Variants in EYS observed in about 807,000 individuals in gnomAD.
EYS encodes the protein protein eyes shut homolog.
EYS carries 250 observed loss-of-function variants against 282.1 expected under a neutral mutation model. The observed-to-expected ratio is 0.89, with a 90% CI of 0.80 to 0.98. EYS has a LOEUF of 0.98. Ranked by LOEUF, EYS falls within the 50% of genes least tolerant of loss-of-function variation. EYS has a pLI of 0.00. For synonymous variants in EYS, 1,355 were observed against 1,282.9 expected (o/e 1.06, Z -1.20); for missense variants, 4,016 against 3,709.0 (o/e 1.08, Z -2.15).
intron 31 of EYS, among the ~76,000 whole-genome samples, chr6:64,094,173 AT>A (rs1772489292): frequency 6.6e-6 from 1 of 151,554 alleles, no homozygotes; most frequent in Non-Finnish European, 1.5e-5. Context: ...TTTATTGAGG[AT>A]TTTCGCATCG....
intron 2 of EYS, among the ~76,000 whole-genome samples, chr6:65,634,068 G>T (rs1767007902): frequency 6.6e-6 from 1 of 152,218 alleles, no homozygotes; most frequent in African/African-American, 2.4e-5. Context: ...AAAATAAACA[G>T]ACTTGACTGG....
intron 7 of EYS, among the ~76,000 whole-genome samples, chr6:65,401,430 C>T (rs537875388): frequency 2.3e-4 from 34 of 150,096 alleles, no homozygotes; most frequent in African/African-American, 7.8e-4. Context: ...TTTCTAAGTA[C>T]ATTCACTAAT....
chr6:63,833,316 C>T (rs1370098805), intron 36 of EYS, among the ~76,000 whole-genome samples: 1 of 152,068 alleles, frequency 6.6e-6, no homozygotes, highest in Admixed American at 6.6e-5. Context: ...ATTTAGAAAA[C>T]CCCATCGTCT....
At chr6:64,985,786 T>C (rs529716239) in intron 14 of EYS, among the ~76,000 whole-genome samples, 2 of 151,450 alleles carry the variant, frequency 1.3e-5, no homozygotes, top group Non-Finnish European at 3.0e-5. Flanking sequence ...TTAGACTGAA[T>C]TTATGTTCCG....
chr6:63,982,399 G>T (rs760176947), intron 35 of EYS, among the ~76,000 whole-genome samples: 3 of 151,804 alleles, frequency 2.0e-5, no homozygotes, highest in Non-Finnish European at 2.9e-5. Context: ...ACTGGGGAAA[G>T]GGCCCATTTT....
chr6:65,029,303 G>A (rs949414933), intron 13 of EYS, among the ~76,000 whole-genome samples: 1 of 151,898 alleles, frequency 6.6e-6, no homozygotes, highest in Non-Finnish European at 1.5e-5. Context: ...ATGTGCATGT[G>A]TGGGTATGTA....
chr6:64,147,464 G>C (rs572407296), intron 31 of EYS, among the ~76,000 whole-genome samples: 1 of 152,268 alleles, frequency 6.6e-6, no homozygotes, highest in South Asian at 2.1e-4. Context: ...GGCAAAGGGA[G>C]AATACAATAA....
chr6:63,971,358 A>G (rs528246158), intron 35 of EYS, among the ~76,000 whole-genome samples: 2 of 152,348 alleles, frequency 1.3e-5, no homozygotes, highest in African/African-American at 4.8e-5. Context: ...AATACATACA[A>G]TGATAGAGTA....
intron 1 of EYS, among the ~76,000 whole-genome samples, chr6:65,681,076 T>C (rs964695581): frequency 2.7e-5 from 4 of 150,884 alleles, no homozygotes; most frequent in Non-Finnish European, 5.9e-5. Flanking sequence ...CTTATTAGCA[T>C]ATTAGAAGAC....
chr6:65,413,580 C>T (rs1366679213), intron 5 of EYS, among the ~76,000 whole-genome samples: 1 of 152,020 alleles, frequency 6.6e-6, no homozygotes, highest in Admixed American at 6.6e-5. Context: ...GCAAAGTGGG[C>T]CAGGTGCTGT....
chr6:64,504,807 A>C (rs552128941), intron 26 of EYS, among the ~76,000 whole-genome samples: 1 of 152,330 alleles, frequency 6.6e-6, no homozygotes, highest in East Asian at 1.9e-4. Flanking sequence ...CCATGTGGCT[A>C]GTAAGAAACA....
At chr6:64,857,294 C>T (rs1200952968) in intron 19 of EYS, among the ~76,000 whole-genome samples, 1 of 152,112 alleles carries the variant, frequency 6.6e-6, no homozygotes, top group Admixed American at 6.6e-5. Flanking sequence ...TCCTTTTGCC[C>T]AACCTCTGGT....
intron 13 of EYS, among the ~76,000 whole-genome samples, chr6:65,009,018 T>G (rs535531271): frequency 5.8e-4 from 88 of 152,238 alleles, no homozygotes; most frequent in Non-Finnish European, 1.1e-3. Context: ...AATCCCTTGT[T>G]AGGGAGAGAC....
rs66790325 is a variant in EYS at position 65,141,649 on chromosome 6, G to GTCTATCTA, written c.2024-83930_2024-83923dup. 8.9e-3 allele frequency among the ~76,000 whole-genome samples: 1,169 copies of GTCTATCTA among 131,306 alleles called. 15 individuals are homozygous for GTCTATCTA. The highest frequency in any genetic ancestry group is 0.031 in the African/African-American group (966 of 30,894). 86.1% of individuals were successfully genotyped at this position (131,306 alleles called of 152,430 possible). A position where few individuals can be genotyped will look rare whatever the true frequency, so the allele number is the denominator to read the frequency against. On this transcript the variant is annotated intron_variant, in intron 12 of 42. Transcript: ENST00000503581. Reference sequence around the variant, plus strand: ...AGTCAGTCTGTCTGTCTGTCTGTCTGTCTATCTATCTATCTATCTATCTAT... The same window carrying GTCTATCTA: ...AGTCAGTCTGTCTGTCTGTCTGTCTGTCTATCTATCTATCTATCTATCTATCTATCTAT...
intron 12 of EYS, among the ~76,000 whole-genome samples, chr6:65,165,729 G>A (rs1764956930): frequency 6.6e-6 from 1 of 150,700 alleles, no homozygotes; most frequent in South Asian, 2.1e-4. Context: ...TTTTTTCCAG[G>A]GATATTAGGG....
At chr6:64,675,238 T>C (rs1200477106) in intron 22 of EYS, among the ~76,000 whole-genome samples, 2 of 152,120 alleles carry the variant, frequency 1.3e-5, no homozygotes, top group African/African-American at 4.8e-5. Context: ...CTTACACTCC[T>C]ACACTCGGTA....
At chr6:64,607,424 A>G (rs887431532) in intron 24 of EYS, among the ~76,000 whole-genome samples, 1 of 152,134 alleles carries the variant, frequency 6.6e-6, no homozygotes, top group Non-Finnish European at 1.5e-5. Context: ...GGGAAGTACA[A>G]GTTGAGGGAT....
chr6:65,322,839 A>C (rs922244493), intron 11 of EYS, among the ~76,000 whole-genome samples: 2 of 148,114 alleles, frequency 1.4e-5, no homozygotes, highest in African/African-American at 5.0e-5. Context: ...TCCAGGCCAG[A>C]CTCCATCTCA....
At chr6:64,308,445 T>C (rs1769541547) in intron 29 of EYS, among the ~76,000 whole-genome samples, 1 of 152,058 alleles carries the variant, frequency 6.6e-6, no homozygotes, top group Admixed American at 6.6e-5. Context: ...CAGAATTTAA[T>C]AGTTAGAAAT....
Sources: gnomAD v4.1 joint callset for allele counts (sites outside exome capture counted in the v4.1 genomes callset) on GRCh38, gnomAD v4.1.1 for gene constraint, MANE v1.5 for transcripts, NCBI Gene and HGNC (gene_info 2026-07-23, HGNC 2026-07-21) for gene names.